The following DGKG variants were observed in gnomAD, a reference collection of about 807,000 sequenced individuals.
The protein encoded by DGKG is DAG kinase gamma.
Under a neutral mutation model 105.3 loss-of-function variants are expected in DGKG, and 78 were observed. The observed-to-expected ratio is 0.74, with a 90% CI of 0.62 to 0.89. The LOEUF (loss-of-function observed/expected upper bound fraction) is 0.89. Among genes scored for constraint, DGKG ranks in the 40% least tolerant of loss-of-function variants. The pLI is 0.00. For synonymous variants in DGKG, 346 were observed against 367.1 expected, an observed-to-expected ratio of 0.94 and a Z score of 0.66; for missense variants, 958 against 1,020.1, an observed-to-expected ratio of 0.94 and a Z score of 0.83.
chr3:186,302,489 T>C (rs868602165), intron 3 of DGKG, among the ~76,000 whole-genome samples: 3 of 9,400 alleles, frequency 3.2e-4, no homozygotes, highest in African/African-American at 1.7e-3. Flanking sequence ...TATATATATA[T>C]ATATATATAT....
At chr3:186,160,164 T>A in intron 24 of DGKG, 1 of 984,570 alleles carries the variant, frequency 1.0e-6, no homozygotes, top group South Asian at 4.7e-5. Context: ...GTTCACAAAT[T>A]TTTTCATAGT....
intron 22 of DGKG, among the ~76,000 whole-genome samples, chr3:186,179,545 T>A (rs1717257791): frequency 6.6e-6 from 1 of 152,170 alleles, no homozygotes; most frequent in African/African-American, 2.4e-5. Context: ...AACAAAATCA[T>A]ATCTACATTC....
At chr3:186,228,703 G>T (rs1057241332) in intron 20 of DGKG, among the ~76,000 whole-genome samples, 6 of 152,118 alleles carry the variant, frequency 3.9e-5, no homozygotes, top group Non-Finnish European at 8.8e-5. Flanking sequence ...TCTCTCCTTG[G>T]CGAATTTCCA....
intron 20 of DGKG, among the ~76,000 whole-genome samples, chr3:186,233,918 T>C (rs998754730): frequency 1.3e-5 from 2 of 152,164 alleles, no homozygotes; most frequent in African/African-American, 4.8e-5. Flanking sequence ...AGGTCACACA[T>C]AGTGGTTAAT....
At chr3:186,304,921 G>A (rs1187321260) in intron 3 of DGKG, among the ~76,000 whole-genome samples, 2 of 152,196 alleles carry the variant, frequency 1.3e-5, no homozygotes, top group Admixed American at 6.5e-5. Flanking sequence ...TGGAGGGCAG[G>A]AACTGTGCTT....
chr3:186,351,937 A>G (rs1726650358), intron 1 of DGKG, among the ~76,000 whole-genome samples: 1 of 152,226 alleles, frequency 6.6e-6, no homozygotes, highest in African/African-American at 2.4e-5. Flanking sequence ...TTGTTTAGCA[A>G]TGGTTCTTAA....
chr3:186,353,441 C>T (rs768800895), intron 1 of DGKG, among the ~76,000 whole-genome samples: 28 of 151,760 alleles, frequency 1.8e-4, no homozygotes, highest in Non-Finnish European at 3.5e-4. Flanking sequence ...ATTCCTTGAA[C>T]CTGGGACGCA....
intron 20 of DGKG, among the ~76,000 whole-genome samples, chr3:186,222,507 T>C (rs1376318101): frequency 6.6e-6 from 1 of 152,184 alleles, no homozygotes; most frequent in Non-Finnish European, 1.5e-5. Context: ...ATTGACACAA[T>C]ATGACCTACC....
intron 24 of DGKG, 113 bp from the exon 25 acceptor site, chr3:186,150,301 A>G: frequency 1.5e-6 from 2 of 1,356,784 alleles, no homozygotes; most frequent in Non-Finnish European, 2.0e-6. Context: ...AGCCCCATGC[A>G]GAAGGACAAC....
intron 20 of DGKG, among the ~76,000 whole-genome samples, chr3:186,218,502 G>GAAAAAA (rs10692822): frequency 4.3e-5 from 3 of 70,378 alleles, no homozygotes; most frequent in African/African-American, 1.2e-4. Context: ...GACTCCGTCT[G>GAAAAAA]AAAAAAAAAA....
At chr3:186,165,947 G>A (rs984451770) in intron 22 of DGKG, among the ~76,000 whole-genome samples, 1 of 152,226 alleles carries the variant, frequency 6.6e-6, no homozygotes, top group African/African-American at 2.4e-5. Flanking sequence ...CTCATAAGTT[G>A]TGGCTAATCA....
At chr3:186,182,416 G>A (rs1050313537) in intron 22 of DGKG, among the ~76,000 whole-genome samples, 2 of 152,188 alleles carry the variant, frequency 1.3e-5, no homozygotes, top group African/African-American at 4.8e-5. Context: ...AAACAAGGCT[G>A]AGGGAGGGAG....
chr3:186,161,062 T>TCGCCG, intron 24 of DGKG: 1 of 986,702 alleles, frequency 1.0e-6, no homozygotes, highest in Non-Finnish European at 1.2e-6. Flanking sequence ...TTCAGTGGAA[T>TCGCCG]TTTCAAGTAG....
chr3:186,158,519 G>T (rs1172759941), intron 24 of DGKG: 23 of 965,418 alleles, frequency 2.4e-5, no homozygotes, highest in Non-Finnish European at 2.7e-5. Flanking sequence ...TGTGGTCAAA[G>T]AAAATGACCT....
Position 186,188,259 on chromosome 3 carries a change from TCAC to T in DGKG, c.2035_2037del (p.Val679del). The T allele has an allele frequency of 6.2e-7, 1 of 1,614,188 alleles. No homozygotes were observed. Among genetic ancestry groups the T allele is most frequent in the Non-Finnish European group, 8.5e-7 (1 of 1,180,034 alleles). On this transcript the variant is annotated inframe_deletion, in exon 22 of 25. Coordinates refer to ENST00000265022, the MANE Select transcript of DGKG (RefSeq NM_001346.3). The stretch of plus-strand genomic sequence containing the variant: ...GTGACACCCTTCCTGCTTTCCCGGA[TCAC>T]AGCCCGGTTCTTCTTGTTTTCTCCC...
chr3:186,287,805 C>G (rs899647293), intron 6 of DGKG, among the ~76,000 whole-genome samples: 2 of 152,182 alleles, frequency 1.3e-5, no homozygotes, highest in Non-Finnish European at 2.9e-5. Flanking sequence ...AAGAATTAGC[C>G]TTTGGCAGAC....
At chr3:186,248,125 G>A (rs749272663) in intron 19 of DGKG, among the ~76,000 whole-genome samples, 5 of 152,220 alleles carry the variant, frequency 3.3e-5, no homozygotes, top group Non-Finnish European at 5.9e-5. Context: ...AGGGAAGGCT[G>A]TCCATTCCTC....
At chr3:186,182,649 G>A (rs767835602) in intron 22 of DGKG, among the ~76,000 whole-genome samples, 19 of 152,174 alleles carry the variant, frequency 1.2e-4, no homozygotes, top group African/African-American at 3.9e-4. Context: ...GTTTATAATA[G>A]CTCCATGAAA....
chr3:186,158,266 A>G (rs1716129422), intron 24 of DGKG: 1 of 760,302 alleles, frequency 1.3e-6, no homozygotes, highest in South Asian at 6.0e-5. Flanking sequence ...ATTACATTTT[A>G]CTTCTTTTTT....
Sources: gnomAD v4.1 joint callset for allele counts (sites outside exome capture counted in the v4.1 genomes callset) on GRCh38, gnomAD v4.1.1 for gene constraint, MANE v1.5 for transcripts, NCBI Gene and HGNC (gene_info 2026-07-23, HGNC 2026-07-21) for gene names.